Variants in NFIB observed in about 807,000 individuals in gnomAD.
NFIB encodes the protein nuclear factor 1 B-type.
NFIB carries 11 observed loss-of-function variants against 61.5 expected under a neutral mutation model. The ratio of observed to expected loss-of-function variants is 0.18; its 90% CI spans 0.11 to 0.30. The LOEUF is 0.30. Among genes scored for constraint, NFIB ranks in the 10% least tolerant of loss-of-function variants. The probability of loss-of-function intolerance (pLI) is 1.00; values close to 1 mark genes in which losing one functional copy is unlikely to be tolerated. For missense variants in NFIB, 471 were observed against 608.9 expected (o/e 0.77, Z 2.38); for synonymous variants, 260 against 216.5 (o/e 1.20, Z -1.76).
the NFIB span, among the ~76,000 whole-genome samples, chr9:14,526,152 T>C: frequency 1.3e-5 from 2 of 152,072 alleles, no homozygotes; most frequent in African/African-American, 4.8e-5. Context: ...ACATATCCAT[T>C]ATGTTCTAAC....
intron 2 of NFIB, among the ~76,000 whole-genome samples, chr9:14,258,583 G>A (rs955853539): frequency 1.3e-5 from 2 of 152,176 alleles, no homozygotes; most frequent in African/African-American, 4.8e-5. Flanking sequence ...TTTGCTCCTA[G>A]GTGTTTTACA....
intron 1 of NFIB, among the ~76,000 whole-genome samples, chr9:14,348,655 T>A (rs954943609): frequency 3.3e-5 from 5 of 152,324 alleles, no homozygotes; most frequent in African/African-American, 1.2e-4. Flanking sequence ...TGCGCAATAC[T>A]GGCAGCAGTG....
the NFIB span, among the ~76,000 whole-genome samples, chr9:14,456,009 T>C: frequency 6.6e-6 from 1 of 152,170 alleles, no homozygotes; most frequent in Non-Finnish European, 1.5e-5. Context: ...GATAATTCAT[T>C]TGGATTGGCA....
chr9:14,112,529 T>A (rs1450238944), intron 10 of NFIB, among the ~76,000 whole-genome samples: 3 of 152,240 alleles, frequency 2.0e-5, no homozygotes, highest in Non-Finnish European at 1.5e-5. Context: ...AGGAATGAAG[T>A]GTCGCCTGAG....
intron 9 of NFIB, among the ~76,000 whole-genome samples, chr9:14,114,575 T>C (rs974123858): frequency 1.3e-5 from 2 of 152,254 alleles, no homozygotes; most frequent in African/African-American, 4.8e-5. Context: ...GCCATCTTTA[T>C]ACAACCAAGA....
intron 2 of NFIB, among the ~76,000 whole-genome samples, chr9:14,280,305 A>T (rs1032300173): frequency 1.3e-5 from 2 of 152,146 alleles, no homozygotes; most frequent in African/African-American, 4.8e-5. Flanking sequence ...GGAGATACTA[A>T]TAGATCTTGC....
intron 7 of NFIB, among the ~76,000 whole-genome samples, chr9:14,123,684 C>T (rs1016348057): frequency 6.6e-6 from 1 of 152,200 alleles, no homozygotes; most frequent in African/African-American, 2.4e-5. Context: ...ATGCTGTTGC[C>T]TCTGCCTCCT....
At chr9:14,494,267 G>A in the NFIB span, among the ~76,000 whole-genome samples, 1 of 152,154 alleles carries the variant, frequency 6.6e-6, no homozygotes, top group Non-Finnish European at 1.5e-5. Flanking sequence ...ATAATAAACA[G>A]CAATCTTATA....
At chr9:14,251,519 C>T (rs928083075) in intron 2 of NFIB, among the ~76,000 whole-genome samples, 1 of 152,162 alleles carries the variant, frequency 6.6e-6, no homozygotes, top group Admixed American at 6.5e-5. Context: ...GTTTACTTTG[C>T]CAGAATCACA....
intron 1 of NFIB, among the ~76,000 whole-genome samples, chr9:14,372,560 T>C (rs1008224436): frequency 6.6e-6 from 1 of 152,228 alleles, no homozygotes; most frequent in Admixed American, 6.5e-5. Context: ...GACCAAAAGC[T>C]AGCCTTATTC....
Position 14,267,319 on chromosome 9 carries a change from T to A in NFIB, c.562+39670A>T, listed in dbSNP as rs191858201. Reference sequence around the variant, plus strand: ...AGGTTAAATCATGATTCCACAAAAGTAGTCTATAGAGGAATACAGCAAAAT... The same window carrying A: ...AGGTTAAATCATGATTCCACAAAAGAAGTCTATAGAGGAATACAGCAAAAT... On this transcript the variant is annotated intron_variant, in intron 2 of 10. Coordinates refer to ENST00000380953, the MANE Select transcript of NFIB (RefSeq NM_001190737.2). Among the ~76,000 whole-genome samples, 1,193 of 152,296 alleles carry A rather than the reference T, an allele frequency of 7.8e-3. 6 individuals carry two copies. Among genetic ancestry groups the A allele is most frequent in the Admixed American group, 0.013 (202 of 15,300 alleles).
chr9:14,190,273 A>T (rs2047801591), intron 2 of NFIB, among the ~76,000 whole-genome samples: 1 of 152,200 alleles, frequency 6.6e-6, no homozygotes, highest in Non-Finnish European at 1.5e-5. Context: ...TATAAAAATA[A>T]ATGTATACAT....
intron 1 of NFIB, among the ~76,000 whole-genome samples, chr9:14,337,475 G>GGTGC (rs1378728236): frequency 6.6e-6 from 1 of 152,136 alleles, no homozygotes; most frequent in Non-Finnish European, 1.5e-5. Flanking sequence ...GAGGTGATGG[G>GGTGC]GTGCGGACCT....
intron 1 of NFIB, among the ~76,000 whole-genome samples, chr9:14,351,061 TC>T (rs990937595): frequency 5.3e-5 from 8 of 152,148 alleles, no homozygotes; most frequent in African/African-American, 1.9e-4. Context: ...AGCTGTGTGT[TC>T]CAGGAACAAA....
chr9:14,167,078 TGTGTCGG>T (rs932641656), intron 3 of NFIB, among the ~76,000 whole-genome samples: 1 of 84,706 alleles, frequency 1.2e-5, no homozygotes, highest in African/African-American at 4.6e-5. Flanking sequence ...GTTGTGTGTG[TGTGTCGG>T]GGGGGGGGGG....
intron 1 of NFIB, among the ~76,000 whole-genome samples, chr9:14,312,172 A>C (rs1182671208): frequency 6.6e-6 from 1 of 152,262 alleles, no homozygotes; most frequent in Non-Finnish European, 1.5e-5. Flanking sequence ...ACAGGACTGT[A>C]TCCAATCACT....
intron 7 of NFIB, among the ~76,000 whole-genome samples, chr9:14,124,462 C>T (rs1039027191): frequency 6.6e-6 from 1 of 151,986 alleles, no homozygotes; most frequent in East Asian, 1.9e-4. Context: ...AAGTATAGCA[C>T]CAACAAATAT....
At chr9:14,405,480 A>G in the NFIB span, among the ~76,000 whole-genome samples, 3 of 152,244 alleles carry the variant, frequency 2.0e-5, no homozygotes, top group Admixed American at 6.5e-5. Context: ...GGAAAGATGA[A>G]GATCTATGTT....
chr9:14,113,376 A>T (rs1364468661), intron 9 of NFIB, among the ~76,000 whole-genome samples: 1 of 152,260 alleles, frequency 6.6e-6, no homozygotes, highest in South Asian at 2.1e-4. Flanking sequence ...GGTACTAAGG[A>T]TTGGATAAAT....
Sources: gnomAD v4.1 joint callset for allele counts (sites outside exome capture counted in the v4.1 genomes callset) on GRCh38, gnomAD v4.1.1 for gene constraint, MANE v1.5 for transcripts, NCBI Gene and HGNC (gene_info 2026-07-23, HGNC 2026-07-21) for gene names.